PDIA6: variants seen among roughly 807,000 people sequenced by gnomAD.
PDIA6 encodes the protein protein disulfide isomerase family A member 6, also known as protein disulfide-isomerase A6.
PDIA6 carries 29 observed loss-of-function variants against 58.4 expected under a neutral mutation model. The observed-to-expected ratio is 0.50, with a 90% CI of 0.37 to 0.68. PDIA6 has a LOEUF of 0.68. Among genes scored for constraint, PDIA6 ranks in the 30% least tolerant of loss-of-function variants. The pLI is 0.00. For missense variants in PDIA6, 480 were observed against 551.0 expected (o/e 0.87, Z 1.29); for synonymous variants, 192 against 202.6 (o/e 0.95, Z 0.44).
At chr2:10,798,323 C>T (rs888743563) in intron 2 of PDIA6, among the ~76,000 whole-genome samples, 5 of 152,160 alleles carry the variant, frequency 3.3e-5, no homozygotes, top group Non-Finnish European at 7.3e-5. Context: ...TCACGCCTGA[C>T]TTTGGGAGGC....
intron 7 of PDIA6, 121 bp downstream of exon 7, chr2:10,790,598 C>A: frequency 1.5e-6 from 1 of 681,824 alleles, no homozygotes. Context: ...GACTTTATCT[C>A]TTCACTTACA....
At chr2:10,821,019 G>C (rs1244084972) in intron 1 of PDIA6, 1 of 569,372 alleles carries the variant, frequency 1.8e-6, no homozygotes, top group Non-Finnish European at 3.2e-6. Flanking sequence ...GAGGGGGGTG[G>C]ATTCTACCTC....
intron 1 of PDIA6, among the ~76,000 whole-genome samples, chr2:10,804,253 CTT>C (rs1298073362): frequency 1.3e-5 from 2 of 149,686 alleles, no homozygotes; most frequent in Non-Finnish European, 3.0e-5. Context: ...CTAAAACAAA[CTT>C]TAAAAACGAA....
At chr2:10,800,890 C>T (rs1208494104) in intron 2 of PDIA6, among the ~76,000 whole-genome samples, 1 of 152,104 alleles carries the variant, frequency 6.6e-6, no homozygotes, top group South Asian at 2.1e-4. Context: ...AAATTATAAT[C>T]GTGAGCCATC....
chr2:10,801,947 C>A (rs1408731552), intron 2 of PDIA6, among the ~76,000 whole-genome samples: 1 of 152,198 alleles, frequency 6.6e-6, no homozygotes, highest in African/African-American at 2.4e-5. Context: ...ATACTTGTGG[C>A]CTGCTGGTTT....
In PDIA6 at chr2:10,783,409, AT is replaced by A. The variant is rs904175287; in HGVS notation, c.*848del. 3 of 531,828 alleles carry A rather than the reference AT, an allele frequency of 5.6e-6. No homozygotes were observed. Among genetic ancestry groups the A allele is most frequent in the East Asian group, 6.4e-5 (2 of 31,232 alleles). The allele number at this position is 531,828 out of a possible 1,614,324, so 32.9% of individuals were successfully genotyped here. A position where few individuals can be genotyped will look rare whatever the true frequency, so the allele number is the denominator to read the frequency against. Reference sequence around the variant, plus strand: ...ACAAAAGTTAGTGACAGTTGTATTTATTTTTTTAAGTTACAATAAAATGCTC... The same window carrying A: ...ACAAAAGTTAGTGACAGTTGTATTTATTTTTTAAGTTACAATAAAATGCTC... On this transcript the variant is annotated 3_prime_UTR_variant, in exon 13 of 13. Transcript: ENST00000272227.
At chr2:10,796,179 G>A (rs1666258720) in intron 4 of PDIA6, among the ~76,000 whole-genome samples, 1 of 151,194 alleles carries the variant, frequency 6.6e-6, no homozygotes, top group Admixed American at 6.6e-5. Context: ...TCAGCCTCCA[G>A]AGTAGCTGGG....
chr2:10,809,458 C>A (rs1666903033), intron 1 of PDIA6, among the ~76,000 whole-genome samples: 2 of 151,836 alleles, frequency 1.3e-5, no homozygotes, highest in Admixed American at 6.6e-5. Context: ...GGGTGGATAA[C>A]CTGAGCCAGG....
At chr2:10,836,176 C>T (rs1667828490), upstream of PDIA6, among the ~76,000 whole-genome samples, 2 of 152,174 alleles carry the variant, frequency 1.3e-5, no homozygotes, top group South Asian at 4.1e-4. Flanking sequence ...TCAACCCCTA[C>T]TTTTCCGAGG....
Position 10,802,496 on chromosome 2 carries a change from T to TA in PDIA6, c.161+2dup. 7.3e-7 allele frequency: 1 copy of TA among 1,362,534 alleles called. No homozygotes were observed. Among genetic ancestry groups the TA allele is most frequent in the African/African-American group, 1.5e-5 (1 of 67,154 alleles). 84.4% of individuals were successfully genotyped at this position (1,362,534 alleles called of 1,614,324 possible). ...TAATCTACAACTATTTTATAATACT[T>TA]ACCATGGAGCATAGAATTCTACAAG... is the stretch of plus-strand genomic sequence containing the variant. On this transcript the variant is annotated splice_region_variant and intron_variant, in intron 2 of 12. Transcript: ENST00000272227.
chr2:10,831,053 G>A (rs955243776), intron 1 of PDIA6, among the ~76,000 whole-genome samples: 9 of 152,318 alleles, frequency 5.9e-5, no homozygotes, highest in African/African-American at 1.9e-4. Context: ...GGAGCGCAGC[G>A]GACTCCGCTC....
At chr2:10,832,724 TTCCAGGAGGTCGGG>T (rs1667741870), upstream of PDIA6, among the ~76,000 whole-genome samples, 1 of 152,162 alleles carries the variant, frequency 6.6e-6, no homozygotes, top group African/African-American at 2.4e-5. Flanking sequence ...TCGGTCTTCC[TTCCAGGAGGTCGGG>T]TCCAGGGCAG....
intron 1 of PDIA6, among the ~76,000 whole-genome samples, chr2:10,826,965 C>G (rs1481802445): frequency 6.6e-6 from 1 of 152,232 alleles, no homozygotes; most frequent in African/African-American, 2.4e-5. Context: ...TCAGGCTCTT[C>G]TCACACCAGG....
chr2:10,826,761 T>C (rs1364056098), intron 1 of PDIA6, among the ~76,000 whole-genome samples: 2 of 152,162 alleles, frequency 1.3e-5, no homozygotes, highest in Non-Finnish European at 2.9e-5. Context: ...TTATAAGACA[T>C]AGAAGAAAAA....
Position 10,831,389 on chromosome 2 carries a change from C to T in PDIA6, c.-48+813G>A, listed in dbSNP as rs13418903. ...TGCTCAGCTCACTAAGAATCAGCGG[C>T]ACTGGTCACATTACTTCTCCGGCTC... On this transcript the variant is annotated intron_variant, in intron 1 of 13. Transcript: ENST00000381611. Among the ~76,000 whole-genome samples, 945 of 152,314 alleles carry T rather than the reference C, an allele frequency of 6.2e-3. 4 individuals carry two copies. The highest frequency in any genetic ancestry group is 0.022 in the African/African-American group (906 of 41,570).
chr2:10,793,125 G>A lies in PDIA6; in HGVS notation c.424C>T (p.Arg142Trp), dbSNP rs138769467. The A allele has an allele frequency of 8.1e-6, 13 of 1,613,462 alleles. No individual in the cohort carries two copies. Among genetic ancestry groups the A allele is most frequent in the African/African-American group, 2.7e-5 (2 of 74,890 alleles). Residue 142 changes from arginine (R) to tryptophan (W), a missense_variant, in exon 5 of 13, where the codon CGG becomes TGG. Arg to Trp is a moderately radical substitution (Grantham distance 101). Coordinates refer to ENST00000272227, the MANE Select transcript of PDIA6 (RefSeq NM_005742.4). Reference protein sequence around the residue: ...RQLVKDRLGGRSGGYSSGKQG... With the variant: ...RQLVKDRLGGWSGGYSSGKQG... ...TTTCCAGAACTGTATCCTCCGCTCC[G>A]TCCCCCGAGGCGATCCTTCACGAGC...
chr2:10,789,979 A>G (rs894892889), intron 7 of PDIA6, 90 bp from the exon 8 acceptor site: 154 of 1,118,684 alleles, frequency 1.4e-4, no homozygotes, highest in South Asian at 2.7e-4. Flanking sequence ...CCTTATAGGT[A>G]ATTTTTTTTT....
upstream of PDIA6, among the ~76,000 whole-genome samples, chr2:10,837,188 A>G (rs1192877325): frequency 6.6e-6 from 1 of 152,158 alleles, no homozygotes; most frequent in African/African-American, 2.4e-5. Flanking sequence ...TGCGGCCCCC[A>G]GCAAGCTGGG....
chr2:10,816,522 C>CTT (rs772701227), upstream of PDIA6, among the ~76,000 whole-genome samples: 3 of 138,218 alleles, frequency 2.2e-5, no homozygotes, highest in African/African-American at 8.3e-5. Context: ...CCTTTTTGTG[C>CTT]TTTCTTTTTT....
Sources: gnomAD v4.1 joint callset for allele counts (sites outside exome capture counted in the v4.1 genomes callset) on GRCh38, gnomAD v4.1.1 for gene constraint, MANE v1.5 for transcripts, NCBI Gene and HGNC (gene_info 2026-07-23, HGNC 2026-07-21) for gene names.